Variants in ADGRL3 observed in about 807,000 individuals in gnomAD.
ADGRL3 encodes the protein calcium-independent alpha-latrotoxin receptor 3.
A neutral mutation model predicts 153.5 loss-of-function variants in ADGRL3; 62 were observed. The ratio of observed to expected loss-of-function variants is 0.40; its 90% CI spans 0.33 to 0.50. The LOEUF (loss-of-function observed/expected upper bound fraction) is 0.50, where lower values mean the gene tolerates loss of function less well. ADGRL3 is among the 20% of genes least tolerant of loss of function. The pLI is 0.47. For missense variants in ADGRL3, 1,641 were observed against 1,859.4 expected (o/e 0.88, Z 2.16); for synonymous variants, 710 against 672.5 (o/e 1.06, Z -0.86).
intron 6 of ADGRL3, among the ~76,000 whole-genome samples, chr4:61,689,280 A>G (rs1012742106): frequency 9.2e-5 from 14 of 152,040 alleles, no homozygotes; most frequent in Non-Finnish European, 1.6e-4. Flanking sequence ...GGAGTTACCC[A>G]TGTCCATAAA....
At chr4:61,679,133 A>T (rs1175212673) in intron 6 of ADGRL3, among the ~76,000 whole-genome samples, 1 of 152,104 alleles carries the variant, frequency 6.6e-6, no homozygotes, top group Non-Finnish European at 1.5e-5. Flanking sequence ...GCTTCTGGTG[A>T]GGCCTCAGGG....
At chr4:61,619,957 G>C (rs778657420) in intron 5 of ADGRL3, among the ~76,000 whole-genome samples, 2 of 151,836 alleles carry the variant, frequency 1.3e-5, no homozygotes, top group Non-Finnish European at 2.9e-5. Context: ...TTCTTTTCTG[G>C]GAGTTTTTGT....
chr4:61,234,381 G>A (rs773659404), intron 1 of ADGRL3, among the ~76,000 whole-genome samples: 36 of 152,036 alleles, frequency 2.4e-4, no homozygotes, highest in East Asian at 7.7e-4. Context: ...AGGAAAGACC[G>A]GCCCCCAGGA....
rs374824183 is a variant in ADGRL3, at chr4:61,987,554, C to A, written c.3236+3951C>A. 2.6e-5 allele frequency among the ~76,000 whole-genome samples: 4 copies of A among 152,196 alleles called. No homozygotes were observed. In the East Asian group the frequency reaches 7.8e-4, roughly 30 times the overall value. ...TTTTTTTCACACATCTCTGCTGTCT[C>A]AAGTTTGTTTGTTTGCAGTGTTACC... On this transcript the variant is annotated intron_variant, in intron 19 of 26. Transcript: ENST00000683033.
chr4:61,434,444 T>C (rs2097418697), intron 2 of ADGRL3, among the ~76,000 whole-genome samples: 1 of 152,126 alleles, frequency 6.6e-6, no homozygotes, highest in South Asian at 2.1e-4. Flanking sequence ...ACATATATCT[T>C]TAACTTAAAA....
intron 4 of ADGRL3, among the ~76,000 whole-genome samples, chr4:61,574,735 G>C (rs1368819261): frequency 6.6e-6 from 1 of 151,732 alleles, no homozygotes; most frequent in Non-Finnish European, 1.5e-5. Context: ...TCTTGAAGCT[G>C]GGGCACATTT....
chr4:61,252,079 T>C (rs1759513890), intron 1 of ADGRL3, among the ~76,000 whole-genome samples: 1 of 151,970 alleles, frequency 6.6e-6, no homozygotes, highest in African/African-American at 2.4e-5. Context: ...AGAAAGGTTT[T>C]GCCATGTTGG....
intron 2 of ADGRL3, among the ~76,000 whole-genome samples, chr4:61,422,110 T>G (rs1005498392): frequency 1.3e-5 from 2 of 152,132 alleles, no homozygotes; most frequent in Non-Finnish European, 2.9e-5. Flanking sequence ...CCCAACAAAG[T>G]GAGAGACTGC....
intron 2 of ADGRL3, among the ~76,000 whole-genome samples, chr4:61,490,188 A>G (rs1483019831): frequency 6.6e-6 from 1 of 152,098 alleles, no homozygotes; most frequent in Non-Finnish European, 1.5e-5. Flanking sequence ...TTCAAATTAT[A>G]GCACAATTAC....
intron 17 of ADGRL3, among the ~76,000 whole-genome samples, chr4:61,977,380 T>A (rs938816995): frequency 2.6e-5 from 4 of 152,126 alleles, no homozygotes; most frequent in African/African-American, 9.7e-5. Flanking sequence ...AATAGCCCTC[T>A]ATTCAGGGAA....
intron 17 of ADGRL3, among the ~76,000 whole-genome samples, chr4:61,973,795 C>T (rs1297971899): frequency 3.3e-5 from 5 of 151,958 alleles, no homozygotes; most frequent in South Asian, 2.1e-4. Flanking sequence ...TTGTTTGCTA[C>T]GTTATTTGTC....
At chr4:61,287,880 A>G in intron 1 of ADGRL3, among the ~76,000 whole-genome samples, 1 of 152,002 alleles carries the variant, frequency 6.6e-6, no homozygotes, top group Non-Finnish European at 1.5e-5. Flanking sequence ...GGCAGAAAAT[A>G]ACAAATATTC....
At chr4:61,869,656 C>T (rs1434541907) in intron 9 of ADGRL3, among the ~76,000 whole-genome samples, 2 of 151,610 alleles carry the variant, frequency 1.3e-5, no homozygotes, top group Admixed American at 1.3e-4. Context: ...TGGTGGCTCA[C>T]ACTTTGGGAT....
At chr4:61,790,833 C>T (rs1461360939) in intron 8 of ADGRL3, among the ~76,000 whole-genome samples, 1 of 152,166 alleles carries the variant, frequency 6.6e-6, no homozygotes, top group Non-Finnish European at 1.5e-5. Flanking sequence ...CAAGTCATGT[C>T]TTACATGGAT....
chr4:61,328,274 G>A (rs1354470565), intron 1 of ADGRL3, among the ~76,000 whole-genome samples: 3 of 152,084 alleles, frequency 2.0e-5, no homozygotes, highest in South Asian at 2.1e-4. Context: ...TGAATAGGCC[G>A]GGGTAGCATA....
At chr4:61,421,607 G>T (rs983854123) in intron 2 of ADGRL3, among the ~76,000 whole-genome samples, 9 of 152,086 alleles carry the variant, frequency 5.9e-5, no homozygotes, top group Admixed American at 1.3e-4. Flanking sequence ...CCACTTACAA[G>T]TAGGAAGAAC....
At chr4:61,673,925 A>C (rs930319781) in intron 5 of ADGRL3, among the ~76,000 whole-genome samples, 2 of 151,194 alleles carry the variant, frequency 1.3e-5, no homozygotes, top group Non-Finnish European at 3.0e-5. Flanking sequence ...TATTATAGGC[A>C]TAACATTTTT....
At chr4:61,581,464 C>G (rs965719314) in intron 4 of ADGRL3, among the ~76,000 whole-genome samples, 11 of 151,962 alleles carry the variant, frequency 7.2e-5, no homozygotes, top group African/African-American at 2.4e-4. Context: ...CGGGACAATT[C>G]CCTCCTAGAG....
rs1335137770 is a variant in ADGRL3, at chr4:61,409,364, T to TAA, written c.-174+26176_-174+26177insAA. On this transcript the variant is annotated intron_variant, in intron 2 of 26. Transcript: ENST00000683033. ...TATATAATAGATATATAATATATTA[T>TAA]ATATATAAGACATATATTATATATA... 1.2e-3 allele frequency among the ~76,000 whole-genome samples: 27 copies of TAA among 21,886 alleles called. No homozygotes were observed. The East Asian group carries it at 0.02, about 16-fold the overall frequency. The allele number at this position is 21,886 out of a possible 152,430, so 14.4% of individuals were successfully genotyped here. A position where few individuals can be genotyped will look rare whatever the true frequency, so the allele number is the denominator to read the frequency against.
Sources: gnomAD v4.1 joint callset for allele counts (sites outside exome capture counted in the v4.1 genomes callset) on GRCh38, gnomAD v4.1.1 for gene constraint, MANE v1.5 for transcripts, NCBI Gene and HGNC (gene_info 2026-07-23, HGNC 2026-07-21) for gene names.